The following ARRB1 variants were observed in gnomAD, a reference collection of about 807,000 sequenced individuals.
The protein encoded by ARRB1 is arrestin beta 1, also known as beta-arrestin-1.
In ARRB1, 21 loss-of-function variants were observed where a neutral mutation model predicts 56.8. The ratio of observed to expected loss-of-function variants is 0.37; its 90% CI spans 0.26 to 0.53. ARRB1 has a LOEUF of 0.53. Among genes scored for constraint, ARRB1 ranks in the 20% least tolerant of loss-of-function variants. ARRB1 has a pLI of 0.88. For missense variants in ARRB1, 424 were observed against 553.7 expected (o/e 0.77, Z 2.35); for synonymous variants, 210 against 218.6 (o/e 0.96, Z 0.35).
intron 10 of ARRB1, chr11:75,274,443 T>C: frequency 3.8e-6 from 2 of 532,644 alleles, no homozygotes. Flanking sequence ...ATCTCGGATA[T>C]TCTAAAAGAT....
rs372282476 is a variant in ARRB1 at position 75,313,989 on chromosome 11, C to T, written c.21-23950G>A. Among the ~76,000 whole-genome samples, 29 of 152,198 alleles carry T rather than the reference C, an allele frequency of 1.9e-4. 1 individual carries two copies. Among genetic ancestry groups the T allele is most frequent in the South Asian group, 1.0e-3 (5 of 4,832 alleles). ...CCTCCTCTGCCTAAAAACTCTTAAC[C>T]GCTCCCAAGAGCTCTTCACAATCTG... On this transcript the variant is annotated intron_variant, in intron 1 of 15. Coordinates refer to ENST00000420843, the MANE Select transcript of ARRB1 (RefSeq NM_004041.5).
intron 6 of ARRB1, 73 bp from the exon 7 acceptor site, chr11:75,281,215 C>T (rs1427931039): frequency 1.4e-6 from 2 of 1,424,108 alleles, no homozygotes; most frequent in Non-Finnish European, 1.9e-6. Flanking sequence ...GCCCACCTCT[C>T]ATTTTACAAA....
intron 1 of ARRB1, among the ~76,000 whole-genome samples, chr11:75,350,527 C>T (rs1490328915): frequency 1.3e-5 from 2 of 152,204 alleles, no homozygotes; most frequent in Non-Finnish European, 1.5e-5. Context: ...CCCTGACCAG[C>T]GCTGGTCCTG....
intron 1 of ARRB1, among the ~76,000 whole-genome samples, chr11:75,295,786 C>T (rs1946727882): frequency 6.6e-6 from 1 of 152,158 alleles, no homozygotes; most frequent in African/African-American, 2.4e-5. Flanking sequence ...CAGGGCTGTC[C>T]CACTACATGA....
intron 1 of ARRB1, among the ~76,000 whole-genome samples, chr11:75,340,367 T>A (rs1004995256): frequency 2.0e-5 from 3 of 152,214 alleles, no homozygotes; most frequent in Admixed American, 6.5e-5. Context: ...ACTACCACTA[T>A]CCAAGGCAGG....
At chr11:75,300,156 T>C (rs1366974178) in intron 1 of ARRB1, among the ~76,000 whole-genome samples, 1 of 143,026 alleles carries the variant, frequency 7.0e-6, no homozygotes, top group African/African-American at 2.6e-5. Context: ...TGAGCTGAGA[T>C]TGCACCACTG....
At chr11:75,339,397 T>C (rs1033124716) in intron 1 of ARRB1, among the ~76,000 whole-genome samples, 9 of 152,218 alleles carry the variant, frequency 5.9e-5, no homozygotes, top group African/African-American at 2.2e-4. Flanking sequence ...CACCCTAGTT[T>C]TTTTGTCCTC....
At chr11:75,318,572 C>A (rs542727450) in intron 1 of ARRB1, among the ~76,000 whole-genome samples, 1 of 152,146 alleles carries the variant, frequency 6.6e-6, no homozygotes, top group African/African-American at 2.4e-5. Flanking sequence ...CACCTTTAAT[C>A]CCAGCTACTC....
chr11:75,350,414 AAGAC>A (rs979593365), intron 1 of ARRB1, among the ~76,000 whole-genome samples: 4 of 152,330 alleles, frequency 2.6e-5, no homozygotes, highest in African/African-American at 9.6e-5. Flanking sequence ...ATAGAAGAGA[AAGAC>A]AGAAAACAAT....
rs532849898 is a variant in ARRB1, at chr11:75,268,747, C to T, written c.1093+142G>A. On this transcript the variant is annotated intron_variant, in intron 14 of 15. Transcript: ENST00000420843. ...TCTCCTGGTGGGGTCAGAAGCAAAT[C>T]GAGTTCTGGACCCCACAAAAGATCT... The T allele has an allele frequency of 3.1e-5, 25 of 816,700 alleles. No individual in the cohort carries two copies. In the South Asian group the frequency reaches 3.4e-4, roughly 11 times the overall value. 50.6% of individuals were successfully genotyped at this position (816,700 alleles called of 1,614,324 possible).
intron 1 of ARRB1, among the ~76,000 whole-genome samples, chr11:75,295,413 T>C (rs1225134776): frequency 6.6e-6 from 1 of 152,066 alleles, no homozygotes; most frequent in Non-Finnish European, 1.5e-5. Flanking sequence ...CCACATTCCT[T>C]GGCTCATGGC....
At chr11:75,288,511 C>T (rs567446092) in intron 2 of ARRB1, among the ~76,000 whole-genome samples, 1 of 152,222 alleles carries the variant, frequency 6.6e-6, no homozygotes, top group Non-Finnish European at 1.5e-5. Flanking sequence ...TCTCCATCCC[C>T]ACAGCCACTC....
At chr11:75,268,510 C>CAAAAAAAAAAAAAAAAAA (rs61409833) in intron 14 of ARRB1, among the ~76,000 whole-genome samples, 1 of 61,430 alleles carries the variant, frequency 1.6e-5, no homozygotes. Context: ...GTCTCAAAAC[C>CAAAAAAAAAAAAAAAAAA]AAAAAAAAAA....
intron 1 of ARRB1, among the ~76,000 whole-genome samples, chr11:75,318,824 A>G (rs964712612): frequency 1.3e-5 from 2 of 152,168 alleles, no homozygotes; most frequent in African/African-American, 4.8e-5. Flanking sequence ...GCCCACAGAC[A>G]CTGAGAACTG....
At chr11:75,314,791 G>A (rs1389051873) in intron 1 of ARRB1, among the ~76,000 whole-genome samples, 1 of 151,226 alleles carries the variant, frequency 6.6e-6, no homozygotes, top group Non-Finnish European at 1.5e-5. Flanking sequence ...ATTTTTTGTA[G>A]CGATGGGGTT....
chr11:75,325,254 C>T (rs1380409355), intron 1 of ARRB1, among the ~76,000 whole-genome samples: 2 of 152,116 alleles, frequency 1.3e-5, no homozygotes, highest in African/African-American at 4.8e-5. Flanking sequence ...GCAGGAATCC[C>T]CCGACCCTCA....
At chr11:75,343,679 T>A (rs1161447298) in intron 1 of ARRB1, among the ~76,000 whole-genome samples, 1 of 152,174 alleles carries the variant, frequency 6.6e-6, no homozygotes, top group Non-Finnish European at 1.5e-5. Flanking sequence ...ATCTGGTTCT[T>A]CCAAGAGCCT....
At position 75,339,207 on chromosome 11, in the gene ARRB1, A is replaced by G. The variant is rs1340203478; in HGVS notation, c.20+12381T>C. Among the ~76,000 whole-genome samples, 4 of 152,230 alleles carry G rather than the reference A, an allele frequency of 2.6e-5. No homozygotes were observed. In the South Asian group the frequency reaches 8.3e-4, roughly 32 times the overall value. On this transcript the variant is annotated intron_variant, in intron 1 of 15. Transcript: ENST00000420843. The stretch of plus-strand genomic sequence containing the variant: ...ATGGGCTCCTCTGGGAAGAGCCATC[A>G]GATCTCTGCAGTGTCTCCTGGGCTA...
intron 1 of ARRB1, among the ~76,000 whole-genome samples, chr11:75,319,097 A>T (rs1947306825): frequency 6.6e-6 from 1 of 152,208 alleles, no homozygotes; most frequent in African/African-American, 2.4e-5. Flanking sequence ...AATTACGGAG[A>T]CCAGAACTGA....
Sources: allele counts gnomAD v4.1 joint callset (sites outside exome capture counted in the v4.1 genomes callset), GRCh38; gene constraint gnomAD v4.1.1; transcripts MANE v1.5; gene names NCBI Gene and HGNC (gene_info 2026-07-23, HGNC 2026-07-21).